AMPH: variants seen among roughly 807,000 people sequenced by gnomAD.
AMPH encodes amphiphysin (Stiff-Mann syndrome with breast cancer 128kD autoantigen).
In AMPH, 49 loss-of-function variants were observed where a neutral mutation model predicts 99.1. The observed-to-expected ratio is 0.49, with a 90% confidence interval of 0.39 to 0.63. AMPH has a LOEUF of 0.63. AMPH is among the 20% of genes least tolerant of loss of function. The pLI is 0.00. For missense variants in AMPH, 759 were observed against 863.4 expected, an observed-to-expected ratio of 0.88 and a Z score of 1.52; for synonymous variants, 314 against 317.3, an observed-to-expected ratio of 0.99 and a Z score of 0.11.
intron 17 of AMPH, among the ~76,000 whole-genome samples, chr7:38,399,879 C>G (rs1784793161): frequency 6.6e-6 from 1 of 152,014 alleles, no homozygotes; most frequent in African/African-American, 2.4e-5. Flanking sequence ...ACAGCTATTG[C>G]AAACAGAGAC....
intron 11 of AMPH, among the ~76,000 whole-genome samples, chr7:38,449,841 A>C (rs893008574): frequency 1.3e-5 from 2 of 152,238 alleles, no homozygotes; most frequent in African/African-American, 4.8e-5. Flanking sequence ...TGTGGTATTT[A>C]GAACCAGGTT....
chr7:38,553,904 T>C (rs1791268616), intron 1 of AMPH, among the ~76,000 whole-genome samples: 1 of 152,232 alleles, frequency 6.6e-6, no homozygotes, highest in Admixed American at 6.5e-5. Context: ...ACCAGAGTTG[T>C]TAGGAGTATT....
chr7:38,586,578 C>T (rs376368337), intron 1 of AMPH, among the ~76,000 whole-genome samples: 1 of 144,528 alleles, frequency 6.9e-6, no homozygotes, highest in African/African-American at 2.5e-5. Context: ...ATATATATCA[C>T]ATTCATGTAA....
chr7:38,530,466 G>A (rs1396255839), intron 2 of AMPH, among the ~76,000 whole-genome samples: 1 of 152,202 alleles, frequency 6.6e-6, no homozygotes, highest in East Asian at 1.9e-4. Flanking sequence ...GGAGATGCTA[G>A]AAGGAGAACC....
rs1554329648 is a variant in AMPH, at chr7:38,398,189, A to AAAAC, written c.1399-3976_1399-3975insGTTT. On this transcript the variant is annotated intron_variant, in intron 17 of 20. Transcript: ENST00000356264. ...CACTGCTAGGTATATACTCAAAAAAAAAAAAACAAAAAAAAAAGGGAAATC... is the reference window on the plus strand; with the variant it reads ...CACTGCTAGGTATATACTCAAAAAAAAAACAAAAAACAAAAAAAAAAGGGAAATC... 5.6e-4 allele frequency among the ~76,000 whole-genome samples: 85 copies of AAAAC among 150,878 alleles called. 3 individuals are homozygous for AAAAC. Among genetic ancestry groups the AAAAC allele is most frequent in the African/African-American group, 2.0e-3 (81 of 41,178 alleles).
intron 2 of AMPH, among the ~76,000 whole-genome samples, chr7:38,515,353 C>A (rs576599349): frequency 6.6e-6 from 1 of 152,152 alleles, no homozygotes; most frequent in Non-Finnish European, 1.5e-5. Context: ...TTCCCCCTTG[C>A]TATTCTCATA....
intron 1 of AMPH, 104 bp from the exon 2 acceptor site, chr7:38,535,115 A>G: frequency 1.1e-6 from 1 of 934,952 alleles, no homozygotes; most frequent in Admixed American, 2.1e-5. Context: ...TCTGAGGAGT[A>G]GAGCAAAACT....
chr7:38,573,778 A>G (rs771649515), intron 1 of AMPH, among the ~76,000 whole-genome samples: 2 of 152,236 alleles, frequency 1.3e-5, no homozygotes, highest in Non-Finnish European at 2.9e-5. Flanking sequence ...AATGCTTTAA[A>G]GCACTTAATA....
chr7:38,483,752 A>G (rs958407298), intron 5 of AMPH, among the ~76,000 whole-genome samples: 2 of 152,182 alleles, frequency 1.3e-5, no homozygotes, highest in Non-Finnish European at 2.9e-5. Flanking sequence ...GAACCAAGGT[A>G]AATTTAAAAA....
rs1792219165 is a variant in AMPH at position 38,575,824 on chromosome 7, A to C, written c.70-40813T>G. On this transcript the variant is annotated intron_variant, in intron 1 of 20. Transcript: ENST00000356264. Reference sequence around the variant, plus strand: ...CATCTCCACCTCTCGATCGCTGCCCAGGCTCTGCTACTCACTTTCATTCTA... The same window carrying C: ...CATCTCCACCTCTCGATCGCTGCCCCGGCTCTGCTACTCACTTTCATTCTA... Among the ~76,000 whole-genome samples the C allele has an allele frequency of 2.6e-5, 4 of 152,294 alleles. No individual in the cohort carries two copies. In the South Asian group the frequency reaches 8.3e-4, roughly 32 times the overall value.
In AMPH at chr7:38,499,566, C is replaced by A. The variant is rs867064540; in HGVS notation, c.205+4084G>T. 4.6e-5 allele frequency among the ~76,000 whole-genome samples: 7 copies of A among 152,316 alleles called. 1 individual carries two copies. In the South Asian group the frequency reaches 1.5e-3, roughly 32 times the overall value. ...CCCACAATTGCCCCAGGACCCATGA[C>A]CCTCCAGGGCCAAATATCACTTTCT... On this transcript the variant is annotated intron_variant, in intron 3 of 20. Coordinates refer to ENST00000356264, the MANE Select transcript of AMPH (RefSeq NM_001635.4).
Position 38,471,534 on chromosome 7 carries a change from C to T in AMPH, c.590+3797G>A, listed in dbSNP as rs554178931. On this transcript the variant is annotated intron_variant, in intron 7 of 20. Coordinates refer to ENST00000356264, the MANE Select transcript of AMPH (RefSeq NM_001635.4). ...TTAAATCCAAAAATTTGAAAGTTTT[C>T]TACACTTGGCAGTAATGGAGGAATA... Among the ~76,000 whole-genome samples the T allele has an allele frequency of 2.5e-4, 38 of 152,180 alleles. No homozygotes were observed. In the East Asian group the frequency reaches 4.1e-3, roughly 16 times the overall value.
chr7:38,466,917 C>T (rs940148037), intron 7 of AMPH, among the ~76,000 whole-genome samples: 13 of 152,126 alleles, frequency 8.5e-5, no homozygotes, highest in Admixed American at 8.5e-4. Flanking sequence ...TTACTTAAAT[C>T]CCTAACATAT....
chr7:38,504,385 T>G lies in AMPH; in HGVS notation c.151-681A>C, dbSNP rs529863179. On this transcript the variant is annotated intron_variant, in intron 2 of 20. Coordinates refer to ENST00000356264, the MANE Select transcript of AMPH (RefSeq NM_001635.4). ...GAATGCCTGTTTTGGTTTGGATACT[T>G]TTTTAGAAACTCCGAGACTCTCTGA... is the stretch of plus-strand genomic sequence containing the variant. 2.0e-5 allele frequency among the ~76,000 whole-genome samples: 3 copies of G among 152,316 alleles called. No homozygotes were observed. The East Asian group carries it at 5.8e-4, about 29-fold the overall frequency.
At chr7:38,496,620 C>G (rs200327460) in intron 3 of AMPH, among the ~76,000 whole-genome samples, 3 of 152,104 alleles carry the variant, frequency 2.0e-5, no homozygotes, top group African/African-American at 7.2e-5. Context: ...AGGGGGGATG[C>G]GTTCTCTCAT....
intron 1 of AMPH, among the ~76,000 whole-genome samples, chr7:38,624,213 C>T (rs1364547636): frequency 6.6e-6 from 1 of 151,994 alleles, no homozygotes; most frequent in Non-Finnish European, 1.5e-5. Flanking sequence ...GATATTTGGT[C>T]CTTGTCCTCA....
At chr7:38,497,610 TC>T (rs1788979616) in intron 3 of AMPH, among the ~76,000 whole-genome samples, 2 of 152,188 alleles carry the variant, frequency 1.3e-5, no homozygotes, top group African/African-American at 2.4e-5. Flanking sequence ...AAAAATAACA[TC>T]AGTTAAAATA....
chr7:38,426,021 T>G (rs1785771273), intron 15 of AMPH, among the ~76,000 whole-genome samples: 1 of 152,196 alleles, frequency 6.6e-6, no homozygotes, highest in Admixed American at 6.5e-5. Context: ...TTTGTATTTG[T>G]GTGTATCTGT....
At position 38,555,858 on chromosome 7, in the gene AMPH, T is replaced by C. The variant is rs1456383552; in HGVS notation, c.70-20847A>G. On this transcript the variant is annotated intron_variant, in intron 1 of 20. Transcript: ENST00000356264. ...TACTTTAGATATTAGAAAAAAAATT[T>C]ATTGAGAAAGCCAAATACCACATGT... 2.0e-5 allele frequency among the ~76,000 whole-genome samples: 3 copies of C among 152,118 alleles called. No individual in the cohort carries two copies. The East Asian group carries it at 5.8e-4, about 29-fold the overall frequency.
Sources: gnomAD v4.1 joint callset for allele counts (sites outside exome capture counted in the v4.1 genomes callset) on GRCh38, gnomAD v4.1.1 for gene constraint, MANE v1.5 for transcripts, NCBI Gene and HGNC (gene_info 2026-07-23, HGNC 2026-07-21) for gene names.